Variants in CDC42BPG observed in about 807,000 individuals in gnomAD.
CDC42BPG encodes the protein CDC42 binding protein kinase gamma.
In CDC42BPG, 157 loss-of-function variants were observed where a neutral mutation model predicts 192.2. That is an observed-to-expected ratio of 0.82 (90% CI 0.72 to 0.93). CDC42BPG has a LOEUF of 0.93. Ranked by LOEUF, CDC42BPG falls within the 40% of genes least tolerant of loss-of-function variation. The pLI is 0.00. For synonymous variants in CDC42BPG, 981 were observed against 918.5 expected, an observed-to-expected ratio of 1.07 and a Z score of -1.23; for missense variants, 1,992 against 2,122.1, an observed-to-expected ratio of 0.94 and a Z score of 1.20.
intron 30 of CDC42BPG, among the ~76,000 whole-genome samples, chr11:64,828,943 G>C (rs1344951525): frequency 6.6e-6 from 1 of 152,132 alleles, no homozygotes; most frequent in Non-Finnish European, 1.5e-5. Flanking sequence ...CCAGCTACTA[G>C]GGAGGCTGAG....
chr11:64,841,736 A>C lies in CDC42BPG; in HGVS notation c.253-3T>G. On this transcript the variant is annotated splice_region_variant and splice_polypyrimidine_tract_variant and intron_variant, in intron 2 of 36. Coordinates refer to ENST00000342711, the MANE Select transcript of CDC42BPG (RefSeq NM_017525.3). ...TCCCTCTGCCTCACCACGGTGACCT[A>C]AGGCCACAGGGAGGACCGGGGTGAG... 1 of 1,613,856 alleles carries C rather than the reference A, an allele frequency of 6.2e-7. No homozygotes were observed. Among genetic ancestry groups the C allele is most frequent in the Non-Finnish European group, 8.5e-7 (1 of 1,179,902 alleles).
chr11:64,826,760 G>C lies in CDC42BPG; in HGVS notation c.4424C>G (p.Ser1475Cys), dbSNP rs565606476. 3 of 1,532,026 alleles carry C rather than the reference G, an allele frequency of 2.0e-6. No individual in the cohort carries two copies. The South Asian group carries it at 3.7e-5, about 19-fold the overall frequency. 94.9% of individuals were successfully genotyped at this position (1,532,026 alleles called of 1,614,324 possible). The change falls in exon 35 of 37, where the codon TCC (serine) becomes TGC (cysteine). Residue 1475 changes from serine (S) to cysteine (C), a missense_variant. This residue lies in a region of CDC42BPG where 336 missense variants were observed against 277.9 expected (regional missense o/e 1.21). Transcript: ENST00000342711. ...PEEKGRVARG[S>C]GPQRPHSFSE... ...GAAGCTGTGGGGCCGCTGTGGGCCG[G>C]AGCCGCGGGCAACTCGGCCCTTCTC... is the stretch of plus-strand genomic sequence containing the variant.
rs778467776 is a variant in CDC42BPG, at chr11:64,827,245, C to T, written c.4271+33G>A. 4.3e-6 allele frequency: 7 copies of T among 1,613,028 alleles called. No homozygotes were observed. The African/African-American group carries it at 8.0e-5, about 18-fold the overall frequency. ...CCGTCCACAAGCGGAGGCGGCCCCACCCAGCCTCAGCCCCCGCGTCGTGCA... is the reference window on the plus strand; with the variant it reads ...CCGTCCACAAGCGGAGGCGGCCCCATCCAGCCTCAGCCCCCGCGTCGTGCA... On this transcript the variant is annotated intron_variant, in intron 33 of 36. Transcript: ENST00000342711.
In CDC42BPG at chr11:64,840,235, G is replaced by C. The variant is rs146288457; in HGVS notation, c.466C>G (p.Leu156Val). The C allele has an allele frequency of 2.1e-4, 338 of 1,612,740 alleles. No individual in the cohort carries two copies. Among genetic ancestry groups the C allele is most frequent in the Non-Finnish European group, 2.8e-4 (326 of 1,180,014 alleles). ...LVMDYYAGGDLLTLLSRFEDR... is the reference protein window; with the variant it reads ...LVMDYYAGGDVLTLLSRFEDR... ...TCGAAGCGGCTCAGCAGCGTCAGGAGGTCCCCACCAGCATAGTAGTCCATC... is the reference window on the plus strand; with the variant it reads ...TCGAAGCGGCTCAGCAGCGTCAGGACGTCCCCACCAGCATAGTAGTCCATC... The change falls in exon 5 of 37, where the codon CTC becomes GTC. Residue 156 changes from leucine to valine, a missense_variant. By Grantham distance (32) the Leu-to-Val change is conservative (BLOSUM62 1). Transcript: ENST00000342711.
chr11:64,843,573 CA>C (rs1943374561), intron 1 of CDC42BPG, among the ~76,000 whole-genome samples: 1 of 152,156 alleles, frequency 6.6e-6, no homozygotes, highest in South Asian at 2.1e-4. Flanking sequence ...ACACCTGCCT[CA>C]CCCCGCCCTG....
Position 64,834,366 on chromosome 11 carries a change from G to A in CDC42BPG, c.2325-12C>T, listed in dbSNP as rs1361994483. ...CCTCCTGCAGACGGCTGGGGAGAAT[G>A]GCAAGGGCTCGCCACTGGCCTCTGT... On this transcript the variant is annotated splice_polypyrimidine_tract_variant and intron_variant, in intron 19 of 36. Coordinates refer to ENST00000342711, the MANE Select transcript of CDC42BPG (RefSeq NM_017525.3). 1.2e-5 allele frequency: 18 copies of A among 1,565,136 alleles called. No homozygotes were observed. The South Asian group carries it at 1.8e-4, about 15-fold the overall frequency.
rs372243699 is a variant in CDC42BPG at position 64,836,110 on chromosome 11, C to T, written c.1668+7G>A. ...AGGTGCTGTCCCTACCCACCCTGGT[C>T]ACTCACCTCCCTCTGGGCAGCCCGG... On this transcript the variant is annotated splice_region_variant and intron_variant, in intron 13 of 36. Transcript: ENST00000342711. The T allele has an allele frequency of 1.9e-6, 3 of 1,594,722 alleles. No individual in the cohort carries two copies. The African/African-American group carries it at 4.0e-5, about 21-fold the overall frequency.
intron 17 of CDC42BPG, 30 bp downstream of exon 17, chr11:64,835,017 T>TCCCCCCCCCCCCCCC: frequency 6.4e-7 from 1 of 1,571,958 alleles, no homozygotes; most frequent in Non-Finnish European, 8.7e-7. Context: ...TCGCCTGCGT[T>TCCCCCCCCCCCCCCC]CCCCACCCCG....
At position 64,830,046 on chromosome 11, in the gene CDC42BPG, C is replaced by T. The variant is rs146058001; in HGVS notation, c.3392G>A (p.Arg1131Gln). 4.3e-5 allele frequency: 69 copies of T among 1,612,392 alleles called. No individual in the cohort carries two copies. The South Asian group carries it at 5.8e-4, about 14-fold the overall frequency. ...SNDIFQVGEC[R>Q]RVQQLTLSPS... ...GCTCAAGGTCAGCTGCTGCACGCGC[C>T]GGCACTCCCCCACCTGGAAGATGTC... The change falls in exon 30 of 37, where the codon CGG (arginine) becomes CAG (glutamine). Residue 1131 changes from arginine (R) to glutamine (Q), a missense_variant. Physicochemically the swap from Arg to Gln is conservative, Grantham distance 43. Transcript: ENST00000342711.
chr11:64,839,368 AC>A, intron 6 of CDC42BPG, 109 bp downstream of exon 6: 1 of 1,495,906 alleles, frequency 6.7e-7, no homozygotes, highest in East Asian at 2.3e-5. Flanking sequence ...GGTCTCACCC[AC>A]CTTCCCCGGG....
intron 27 of CDC42BPG, 84 bp downstream of exon 27, chr11:64,832,344 G>A (rs1317068188): frequency 1.4e-6 from 2 of 1,395,554 alleles, no homozygotes; most frequent in Non-Finnish European, 2.0e-6. Context: ...CAAGAGGGCA[G>A]TATGAAGTGG....
intron 28 of CDC42BPG, 83 bp downstream of exon 28, chr11:64,831,422 A>G (rs1942680699): frequency 7.9e-7 from 1 of 1,264,800 alleles, no homozygotes; most frequent in Non-Finnish European, 1.1e-6. Context: ...AATGGGCAGT[A>G]GCAGTGGCCC....
intron 27 of CDC42BPG, 115 bp from the exon 28 acceptor site, chr11:64,831,836 G>T: frequency 1.1e-6 from 1 of 903,356 alleles, no homozygotes; most frequent in Non-Finnish European, 1.7e-6. Flanking sequence ...GTCAGCAGCA[G>T]GGAGTAGGCC....
chr11:64,828,534 T>C (rs1942539698), intron 30 of CDC42BPG, among the ~76,000 whole-genome samples: 1 of 152,204 alleles, frequency 6.6e-6, no homozygotes, highest in African/African-American at 2.4e-5. Flanking sequence ...AAGGCAATGG[T>C]GACCACAGCA....
rs766951027 is a variant in CDC42BPG, at chr11:64,833,254, C to G, written c.2708G>C (p.Gly903Ala). 1 of 1,549,000 alleles carries G rather than the reference C, an allele frequency of 6.5e-7. No homozygotes were observed. Among genetic ancestry groups the G allele is most frequent in the South Asian group, 1.2e-5 (1 of 84,024 alleles). The change falls in exon 24 of 37, where the codon GGC (glycine) becomes GCC (alanine). Residue 903 changes from glycine to alanine, a missense_variant. Physicochemically the swap from Gly to Ala is moderately conservative, Grantham distance 60 (BLOSUM62 0). Around this residue, in one of 2 missense-constraint regions of CDC42BPG, gnomAD observed 1,656 missense variants for 1,844.3 expected, o/e 0.90. Transcript: ENST00000342711. ...ACCATCACAACCCAGGCCCTGGCGG[C>G]CCAGGCCCAGCATCAGCGAGGTGCA... ...LRCTSLMLGL[G>A]RQGLGCDACG...
intron 30 of CDC42BPG, among the ~76,000 whole-genome samples, chr11:64,828,974 C>T (rs1310574792): frequency 2.0e-5 from 3 of 151,766 alleles, no homozygotes; most frequent in East Asian, 1.9e-4. Flanking sequence ...CACCTGAACC[C>T]GGGAAGCAAA....
At chr11:64,827,463 A>T (rs1942485393) in intron 32 of CDC42BPG, 64 bp downstream of exon 32, 1 of 1,604,040 alleles carries the variant, frequency 6.2e-7, no homozygotes, top group East Asian at 2.2e-5. Flanking sequence ...GCTGGCATTC[A>T]GGGCCACACA....
At position 64,827,308 on chromosome 11, in the gene CDC42BPG, A is replaced by T; in HGVS notation, c.4241T>A (p.Val1414Glu). The T allele has an allele frequency of 1.9e-6, 3 of 1,613,872 alleles. No individual in the cohort carries two copies. Among genetic ancestry groups the T allele is most frequent in the Non-Finnish European group, 2.5e-6 (3 of 1,179,916 alleles). ...CTGCTGCTTCTGCTGCTCCTCCGACACGCGGAAAAAGAAGCGGCGCTTGCT... is the reference window on the plus strand; with the variant it reads ...CTGCTGCTTCTGCTGCTCCTCCGACTCGCGGAAAAAGAAGCGGCGCTTGCT... The part of the protein sequence containing the change: ...TKSKRRFFFR[V>E]SEEQQKQQRR... Residue 1414 changes from valine (V) to glutamate (E), a missense_variant, in exon 33 of 37, where the codon GTG (valine) becomes GAG (glutamate). Coordinates refer to ENST00000342711, the MANE Select transcript of CDC42BPG (RefSeq NM_017525.3).
chr11:64,834,510 G>A lies in CDC42BPG; in HGVS notation c.2243C>T (p.Ala748Val), dbSNP rs762255380. ...EASARLELQS[A>V]LEAEIRAKQG... ...CTTGGCGCGGATCTCGGCCTCCAGC[G>A]CTGACTGCAGCTCCAGCCTGGCCGA... Residue 748 changes from alanine to valine, a missense_variant, in exon 19 of 37, where the codon GCG (alanine) becomes GTG (valine). Physicochemically the swap from Ala to Val is moderately conservative, Grantham distance 64. Transcript: ENST00000342711. 27 of 1,578,094 alleles carry A rather than the reference G, an allele frequency of 1.7e-5. No individual in the cohort carries two copies. The highest frequency in any genetic ancestry group is 2.7e-5 in the African/African-American group (2 of 74,132).
Sources: allele counts gnomAD v4.1 joint callset (sites outside exome capture counted in the v4.1 genomes callset), GRCh38; gene constraint gnomAD v4.1.1; regional missense constraint gnomAD v4.1.1; transcripts MANE v1.5; gene names NCBI Gene and HGNC (gene_info 2026-07-23, HGNC 2026-07-21).